The following EPHA6 variants were observed in gnomAD, a reference collection of about 807,000 sequenced individuals.
EPHA6 encodes EPH receptor A6, also known as ephrin type-A receptor 6.
In EPHA6, 50 loss-of-function variants were observed where a neutral mutation model predicts 112.0. That is an observed-to-expected ratio of 0.45 (90% CI 0.36 to 0.56). The LOEUF (loss-of-function observed/expected upper bound fraction) is 0.56. EPHA6 is among the 20% of genes least tolerant of loss of function. The pLI, the probability that EPHA6 is intolerant of heterozygous loss-of-function variation, is 0.00. For missense variants in EPHA6, 1,280 were observed against 1,417.4 expected (o/e 0.90, Z 1.56); for synonymous variants, 529 against 490.7 (o/e 1.08, Z -1.03).
chr3:97,731,424 T>C (rs2107833673), intron 15 of EPHA6, among the ~76,000 whole-genome samples: 1 of 152,118 alleles, frequency 6.6e-6, no homozygotes, highest in East Asian at 1.9e-4. Flanking sequence ...CATAAGCAGA[T>C]AGGTGACAGT....
At chr3:97,464,378 G>T (rs1368277642) in intron 7 of EPHA6, among the ~76,000 whole-genome samples, 4 of 152,002 alleles carry the variant, frequency 2.6e-5, no homozygotes, top group Non-Finnish European at 5.9e-5. Context: ...TCTTTAATGA[G>T]TGCTTAGAAT....
intron 2 of EPHA6, among the ~76,000 whole-genome samples, chr3:96,869,132 C>T (rs2036495523): frequency 6.6e-6 from 1 of 151,856 alleles, no homozygotes; most frequent in Non-Finnish European, 1.5e-5. Flanking sequence ...AAGCATTGTC[C>T]TGAATTCAAT....
At chr3:97,432,331 A>G (rs1291294236) in intron 6 of EPHA6, among the ~76,000 whole-genome samples, 2 of 152,206 alleles carry the variant, frequency 1.3e-5, no homozygotes, top group Non-Finnish European at 2.9e-5. Context: ...ATATCTATTT[A>G]ATTACGTTCA....
At chr3:96,919,895 T>A (rs901241185) in intron 2 of EPHA6, among the ~76,000 whole-genome samples, 3 of 151,898 alleles carry the variant, frequency 2.0e-5, no homozygotes, top group African/African-American at 7.2e-5. Flanking sequence ...TCTCAAAAGA[T>A]CGAAGTTCTC....
chr3:97,142,867 A>G (rs1375950020), intron 3 of EPHA6, among the ~76,000 whole-genome samples: 1 of 151,912 alleles, frequency 6.6e-6, no homozygotes, highest in African/African-American at 2.4e-5. Context: ...GAACTCACAG[A>G]GAACATCATA....
chr3:97,169,016 G>A (rs2076617919), intron 3 of EPHA6, among the ~76,000 whole-genome samples: 1 of 152,132 alleles, frequency 6.6e-6, no homozygotes, highest in African/African-American at 2.4e-5. Flanking sequence ...TCTAGTACTT[G>A]TAGAGTGGCA....
intron 1 of EPHA6, among the ~76,000 whole-genome samples, chr3:96,831,907 C>T (rs1377301852): frequency 6.6e-6 from 1 of 151,916 alleles, no homozygotes. Context: ...TTCATCAGTC[C>T]CCTTGGGTTT....
intron 5 of EPHA6, among the ~76,000 whole-genome samples, chr3:97,347,177 A>G (rs1275640497): frequency 6.6e-6 from 1 of 152,102 alleles, no homozygotes; most frequent in Non-Finnish European, 1.5e-5. Context: ...TATCATCCAG[A>G]CTTCACTTTC....
intron 5 of EPHA6, among the ~76,000 whole-genome samples, chr3:97,351,416 TTTTG>T (rs1230976250): frequency 1.2e-4 from 18 of 152,242 alleles, no homozygotes; most frequent in Non-Finnish European, 2.5e-4. Flanking sequence ...TTATGCTTGC[TTTTG>T]TTTGTTACAG....
At chr3:97,614,833 G>A (rs1017740045) in intron 13 of EPHA6, among the ~76,000 whole-genome samples, 1 of 152,092 alleles carries the variant, frequency 6.6e-6, no homozygotes, top group Non-Finnish European at 1.5e-5. Context: ...GGAAGGTGGT[G>A]CTATCAATTG....
intron 3 of EPHA6, among the ~76,000 whole-genome samples, chr3:97,119,156 T>C (rs1057014691): frequency 6.6e-5 from 10 of 152,082 alleles, no homozygotes; most frequent in African/African-American, 2.2e-4. Flanking sequence ...TGATTATCAC[T>C]TCCAATTAAT....
intron 6 of EPHA6, among the ~76,000 whole-genome samples, chr3:97,418,356 G>T (rs1373111494): frequency 1.3e-5 from 2 of 151,986 alleles, no homozygotes; most frequent in Non-Finnish European, 2.9e-5. Flanking sequence ...TTTCTAGAAG[G>T]AAGTATAACA....
intron 3 of EPHA6, among the ~76,000 whole-genome samples, chr3:97,217,229 A>G (rs1398866577): frequency 1.3e-5 from 2 of 152,200 alleles, no homozygotes; most frequent in African/African-American, 4.8e-5. Flanking sequence ...GACAGAGAAA[A>G]GGGCTTTCCA....
chr3:97,065,558 G>T (rs374550373), intron 3 of EPHA6, among the ~76,000 whole-genome samples: 9 of 152,138 alleles, frequency 5.9e-5, no homozygotes, highest in East Asian at 1.9e-4. Context: ...TTGTGAAAAA[G>T]TGAACTGAAA....
chr3:97,528,878 G>C (rs2092661934), intron 10 of EPHA6, among the ~76,000 whole-genome samples: 1 of 152,164 alleles, frequency 6.6e-6, no homozygotes, highest in Admixed American at 6.6e-5. Context: ...TGAATGTGCT[G>C]TCAGTGGCAG....
At chr3:97,475,527 T>G (rs570046288) in intron 8 of EPHA6, 67 bp downstream of exon 8, 1 of 1,143,548 alleles carries the variant, frequency 8.7e-7, no homozygotes, top group East Asian at 2.6e-5. Flanking sequence ...CATTGTGTAT[T>G]CAAATGCTTT....
chr3:97,135,505 C>T (rs1282679388), intron 3 of EPHA6, among the ~76,000 whole-genome samples: 1 of 151,986 alleles, frequency 6.6e-6, no homozygotes, highest in East Asian at 1.9e-4. Context: ...AGAAGTCTAC[C>T]TCAATTTTTA....
chr3:97,595,605 A>G (rs1238289733), intron 12 of EPHA6, among the ~76,000 whole-genome samples: 1 of 152,022 alleles, frequency 6.6e-6, no homozygotes, highest in Non-Finnish European at 1.5e-5. Flanking sequence ...AGATGGTGCC[A>G]CTGCACTCCA....
At chr3:97,664,988 C>A (rs1206554677) in intron 14 of EPHA6, among the ~76,000 whole-genome samples, 4 of 152,002 alleles carry the variant, frequency 2.6e-5, no homozygotes, top group Admixed American at 6.6e-5. Flanking sequence ...CATATGGAAC[C>A]AAAAAAGAGC....
Sources: gnomAD v4.1 joint callset for allele counts (sites outside exome capture counted in the v4.1 genomes callset) on GRCh38, gnomAD v4.1.1 for gene constraint, MANE v1.5 for transcripts, NCBI Gene and HGNC (gene_info 2026-07-23, HGNC 2026-07-21) for gene names.